Variants in ZWILCH observed in about 807,000 individuals in gnomAD.
The protein encoded by ZWILCH is protein zwilch homolog.
In ZWILCH, 74 loss-of-function variants were observed where a neutral mutation model predicts 79.9. That is an observed-to-expected ratio of 0.93 (90% confidence interval 0.77 to 1.12). The LOEUF is 1.12. Among genes scored for constraint, ZWILCH ranks in the 50% most tolerant of loss-of-function variants. The pLI is 0.00. For missense variants in ZWILCH, 694 were observed against 687.5 expected, an observed-to-expected ratio of 1.01 and a Z score of -0.11; for synonymous variants, 241 against 228.2, an observed-to-expected ratio of 1.06 and a Z score of -0.51.
chr15:66,505,408 C>T lies in ZWILCH; in HGVS notation c.53+17C>T. On this transcript the variant is annotated intron_variant, in intron 1 of 18. Coordinates refer to ENST00000307897, the MANE Select transcript of ZWILCH (RefSeq NM_017975.5). The stretch of plus-strand genomic sequence containing the variant: ...TCTCCTTCAGTGAGTCTAGTCTCTT[C>T]TTTTGGCTGGGGTCCTGGGACAGCA... The T allele has an allele frequency of 6.2e-7, 1 of 1,613,862 alleles. No individual in the cohort carries two copies.
At chr15:66,546,551 G>A (rs1895375320) in intron 17 of ZWILCH, 40 bp from the exon 18 acceptor site, 10 of 1,412,364 alleles carry the variant, frequency 7.1e-6, no homozygotes, top group Non-Finnish European at 9.9e-6. Context: ...GAAAAGCAGG[G>A]TGTTAAGCAA....
Position 66,519,030 on chromosome 15 carries a change from A to T in ZWILCH, c.472A>T (p.Thr158Ser). ...TTGGCTAGGAGCTGAGCTTATCACA[A>T]CAAACAACAGCATTACAGGAATTGT... ...TCWLGAELITTNNSITGIVLY... is the reference protein window; with the variant it reads ...TCWLGAELITSNNSITGIVLY... The change falls in exon 5 of 19, where the codon ACA (threonine) becomes TCA (serine). Residue 158 changes from threonine (T) to serine (S), a missense_variant. Coordinates refer to ENST00000307897, the MANE Select transcript of ZWILCH (RefSeq NM_017975.5). 1.2e-6 allele frequency: 2 copies of T among 1,614,242 alleles called. No individual in the cohort carries two copies. The highest frequency in any genetic ancestry group is 1.7e-6 in the Non-Finnish European group (2 of 1,180,030).
intron 7 of ZWILCH, among the ~76,000 whole-genome samples, 161 bp downstream of exon 7, chr15:66,521,366 G>T (rs1485823202): frequency 6.6e-6 from 1 of 152,184 alleles, no homozygotes; most frequent in Non-Finnish European, 1.5e-5. Flanking sequence ...CACCAGGGCA[G>T]CCAGTGAAGG....
chr15:66,535,320 T>C (rs1194133019), intron 14 of ZWILCH, among the ~76,000 whole-genome samples: 4 of 152,188 alleles, frequency 2.6e-5, no homozygotes, highest in Admixed American at 2.6e-4. Flanking sequence ...TGCATTGCAC[T>C]ACATTACAGC....
chr15:66,535,848 T>C, intron 14 of ZWILCH, 85 bp from the exon 15 acceptor site: 1 of 1,153,570 alleles, frequency 8.7e-7, no homozygotes, highest in South Asian at 1.9e-5. Flanking sequence ...CATCCAAATG[T>C]AGGTGTAGAA....
At position 66,516,303 on chromosome 15, in the gene ZWILCH, T is replaced by TC. The variant is rs539165876; in HGVS notation, c.320+663dup. 3.4e-3 allele frequency among the ~76,000 whole-genome samples: 515 copies of TC among 152,248 alleles called. 3 individuals carry two copies. Among genetic ancestry groups the TC allele is most frequent in the South Asian group, 0.02 (98 of 4,820 alleles). ...TACCTCTCCAGCTTCACTTCCTGCC[T>TC]CCCCACTGTGTAGCTATGTACAGTT... On this transcript the variant is annotated intron_variant, in intron 4 of 18. Transcript: ENST00000307897.
chr15:66,546,379 AGTTT>A (rs1316691378), intron 17 of ZWILCH, among the ~76,000 whole-genome samples: 2 of 152,226 alleles, frequency 1.3e-5, no homozygotes, highest in African/African-American at 4.8e-5. Context: ...CTTCATTTTT[AGTTT>A]ATTTAATCAT....
chr15:66,544,724 T>TTTTTTTTTTGTG (rs145952622), intron 17 of ZWILCH, among the ~76,000 whole-genome samples: 4 of 128,488 alleles, frequency 3.1e-5, no homozygotes, highest in East Asian at 4.9e-4. Context: ...TTTTTGGTTT[T>TTTTTTTTTTGTG]TGTGTGTGTG....
chr15:66,532,108 A>G, intron 12 of ZWILCH, 139 bp from the exon 13 acceptor site: 1 of 592,390 alleles, frequency 1.7e-6, no homozygotes, highest in East Asian at 3.5e-5. Flanking sequence ...GGTTTTGTTC[A>G]AACAATTTAT....
At chr15:66,537,342 G>T (rs1895047477) in intron 16 of ZWILCH, 79 bp downstream of exon 16, 1 of 1,048,070 alleles carries the variant, frequency 9.5e-7, no homozygotes, top group Non-Finnish European at 1.4e-6. Context: ...AGGATAACTT[G>T]AGCTCAGGAG....
At chr15:66,530,673 A>G (rs1191812151) in intron 12 of ZWILCH, among the ~76,000 whole-genome samples, 1 of 151,990 alleles carries the variant, frequency 6.6e-6, no homozygotes, top group African/African-American at 2.4e-5. Flanking sequence ...TTATATTTCT[A>G]CTTTATGAAT....
Position 66,527,338 on chromosome 15 carries a change from C to T in ZWILCH, c.868C>T (p.Leu290=), listed in dbSNP as rs758780844. Residue 290 remains leucine, a synonymous_variant, in exon 9 of 19, where the codon CTG becomes TTG. Coordinates refer to ENST00000307897, the MANE Select transcript of ZWILCH (RefSeq NM_017975.5). The stretch of plus-strand genomic sequence containing the variant: ...TGGTGTCACTGAATGGCTCGAGCCC[C>T]TGGAAGCAAAATCTGCTGTTGAACT... The part of the protein sequence containing the change: ...RTGVTEWLEP[L]EAKSAVELVQ... The T allele has an allele frequency of 1.2e-6, 2 of 1,614,036 alleles. No homozygotes were observed. Among genetic ancestry groups the T allele is most frequent in the Admixed American group, 3.3e-5 (2 of 60,022 alleles).
At chr15:66,544,724 T>TTGTGTGTGTGTGTGTGTG (rs1555426547) in intron 17 of ZWILCH, among the ~76,000 whole-genome samples, 1,551 of 128,502 alleles carry the variant, frequency 0.012, 21 homozygotes, top group Admixed American at 0.02. Context: ...TTTTTGGTTT[T>TTGTGTGTGTGTGTGTGTG]TGTGTGTGTG....
intron 9 of ZWILCH, 49 bp from the exon 10 acceptor site, chr15:66,527,808 T>C: frequency 6.6e-7 from 1 of 1,513,914 alleles, no homozygotes; most frequent in Non-Finnish European, 9.1e-7. Context: ...ATGGAAATAA[T>C]TTGGAAAGCA....
At chr15:66,535,447 A>C (rs1490819570) in intron 14 of ZWILCH, among the ~76,000 whole-genome samples, 1 of 152,210 alleles carries the variant, frequency 6.6e-6, no homozygotes, top group East Asian at 1.9e-4. Flanking sequence ...AGGCTGAGGC[A>C]GACAGATCAC....
At chr15:66,521,602 C>G (rs1195818546) in intron 7 of ZWILCH, among the ~76,000 whole-genome samples, 1 of 152,044 alleles carries the variant, frequency 6.6e-6, no homozygotes, top group Non-Finnish European at 1.5e-5. Context: ...CTCAAGCAGT[C>G]CTCCCGCCTC....
chr15:66,513,972 A>T lies in ZWILCH; in HGVS notation c.106-16A>T. On this transcript the variant is annotated splice_polypyrimidine_tract_variant and intron_variant, in intron 2 of 18. Coordinates refer to ENST00000307897, the MANE Select transcript of ZWILCH (RefSeq NM_017975.5). ...ATAAGTGTATGTATAATGTTGCTCG[A>T]TACCTGTTTTAACAGGCTGATGTCC... 2 of 1,594,820 alleles carry T rather than the reference A, an allele frequency of 1.3e-6. No individual in the cohort carries two copies. The highest frequency in any genetic ancestry group is 1.7e-6 in the Non-Finnish European group (2 of 1,166,082).
chr15:66,515,795 CT>C (rs1280935330), intron 4 of ZWILCH, 151 bp downstream of exon 4: 10 of 668,512 alleles, frequency 1.5e-5, no homozygotes, highest in Non-Finnish European at 2.7e-5. Context: ...GATAGTTCTA[CT>C]TGAATATTTG....
At chr15:66,534,893 A>G (rs1894961892) in intron 14 of ZWILCH, among the ~76,000 whole-genome samples, 1 of 152,204 alleles carries the variant, frequency 6.6e-6, no homozygotes, top group Non-Finnish European at 1.5e-5. Context: ...ACCATAACTT[A>G]CTATAACTTT....
Sources: allele counts gnomAD v4.1 joint callset (sites outside exome capture counted in the v4.1 genomes callset), GRCh38; gene constraint gnomAD v4.1.1; transcripts MANE v1.5; gene names NCBI Gene and HGNC (gene_info 2026-07-23, HGNC 2026-07-21).